Variants in EDIL3 observed in about 807,000 individuals in gnomAD.
EDIL3 encodes the protein EGF-like repeat and discoidin I-like domain-containing protein 3.
A neutral mutation model predicts 67.4 loss-of-function variants in EDIL3; 37 were observed. The ratio of observed to expected loss-of-function variants is 0.55; its 90% CI spans 0.42 to 0.72. The LOEUF is 0.72. Among genes scored for constraint, EDIL3 ranks in the 30% least tolerant of loss-of-function variants. EDIL3 has a pLI of 0.00. For missense variants in EDIL3, 527 were observed against 586.3 expected, an observed-to-expected ratio of 0.90 and a Z score of 1.04; for synonymous variants, 195 against 196.3, an observed-to-expected ratio of 0.99 and a Z score of 0.05.
chr5:84,037,849 A>G (rs1433998097), intron 9 of EDIL3, among the ~76,000 whole-genome samples: 2 of 152,100 alleles, frequency 1.3e-5, no homozygotes, highest in Admixed American at 6.6e-5. Flanking sequence ...CCATGAATTA[A>G]AAAAAATTAT....
chr5:84,215,608 A>G (rs893670467), intron 3 of EDIL3, among the ~76,000 whole-genome samples: 3 of 152,214 alleles, frequency 2.0e-5, no homozygotes, highest in African/African-American at 7.2e-5. Context: ...CAGGCAAAAG[A>G]CTGACAAAGT....
chr5:84,149,519 A>T (rs1246252274), intron 4 of EDIL3, among the ~76,000 whole-genome samples: 1 of 152,178 alleles, frequency 6.6e-6, no homozygotes, highest in East Asian at 1.9e-4. Context: ...AAGACCTAGA[A>T]GGATCAAACT....
intron 9 of EDIL3, among the ~76,000 whole-genome samples, chr5:84,032,180 T>C (rs1458381312): frequency 1.3e-5 from 2 of 152,226 alleles, no homozygotes; most frequent in Non-Finnish European, 2.9e-5. Context: ...CTCTTCCATA[T>C]TGAACATAAT....
intron 1 of EDIL3, among the ~76,000 whole-genome samples, chr5:84,286,820 T>C (rs1745814866): frequency 6.6e-6 from 1 of 152,212 alleles, no homozygotes; most frequent in Non-Finnish European, 1.5e-5. Context: ...GATCCTCAGC[T>C]GTTCAGCATT....
intron 5 of EDIL3, among the ~76,000 whole-genome samples, chr5:84,124,577 G>C (rs1195787065): frequency 2.0e-5 from 3 of 151,854 alleles, no homozygotes; most frequent in Non-Finnish European, 4.4e-5. Flanking sequence ...AGATAATTGT[G>C]CATTAGAAAA....
intron 3 of EDIL3, among the ~76,000 whole-genome samples, chr5:84,184,801 A>G (rs1465745420): frequency 6.6e-6 from 1 of 152,206 alleles, no homozygotes. Context: ...GGATTTCTAG[A>G]TGATGTGAAT....
chr5:84,140,721 T>A (rs1308863892), intron 4 of EDIL3, among the ~76,000 whole-genome samples: 1 of 152,142 alleles, frequency 6.6e-6, no homozygotes, highest in Non-Finnish European at 1.5e-5. Flanking sequence ...TTTTTAAAAC[T>A]CAAAAACTAC....
chr5:84,298,923 A>C (rs1746101244), intron 1 of EDIL3, among the ~76,000 whole-genome samples: 1 of 152,080 alleles, frequency 6.6e-6, no homozygotes, highest in African/African-American at 2.4e-5. Flanking sequence ...CTGCTTCTTC[A>C]TCCTCTACTA....
chr5:84,305,234 T>C (rs1008708902), intron 1 of EDIL3, among the ~76,000 whole-genome samples: 1 of 152,246 alleles, frequency 6.6e-6, no homozygotes, highest in Non-Finnish European at 1.5e-5. Flanking sequence ...ATTAACACTT[T>C]TTTTAATTCC....
intron 1 of EDIL3, among the ~76,000 whole-genome samples, chr5:84,377,307 C>CAAAAAA (rs773972385): frequency 1.5e-5 from 1 of 68,092 alleles, no homozygotes; most frequent in Non-Finnish European, 3.1e-5. Context: ...GACTCCGTCT[C>CAAAAAA]AAAAAAAAAA....
chr5:84,205,389 A>G (rs1743949484), intron 3 of EDIL3, among the ~76,000 whole-genome samples: 1 of 152,188 alleles, frequency 6.6e-6, no homozygotes. Context: ...TAAGCCAGAA[A>G]AACAATGAAG....
intron 9 of EDIL3, among the ~76,000 whole-genome samples, chr5:83,999,724 T>C (rs1745292680): frequency 6.6e-6 from 1 of 152,122 alleles, no homozygotes; most frequent in Non-Finnish European, 1.5e-5. Context: ...GTAGAAAGTT[T>C]ATTCAAAGGG....
At chr5:84,130,922 C>T (rs1747953630) in intron 5 of EDIL3, among the ~76,000 whole-genome samples, 1 of 151,970 alleles carries the variant, frequency 6.6e-6, no homozygotes. Context: ...TATATTAATG[C>T]CACAGGAATT....
intron 10 of EDIL3, among the ~76,000 whole-genome samples, chr5:83,947,891 C>T (rs551124823): frequency 7.2e-4 from 109 of 151,920 alleles, no homozygotes; most frequent in Middle Eastern, 6.8e-3. Context: ...ATTCATAGTT[C>T]CTTAAAAAGT....
chr5:84,247,321 C>A (rs910389815), intron 2 of EDIL3, among the ~76,000 whole-genome samples: 1 of 152,086 alleles, frequency 6.6e-6, no homozygotes, highest in Non-Finnish European at 1.5e-5. Flanking sequence ...TCTAAAATAA[C>A]CCTACACCAC....
intron 1 of EDIL3, among the ~76,000 whole-genome samples, chr5:84,286,859 T>C (rs1745815647): frequency 6.6e-6 from 1 of 152,212 alleles, no homozygotes; most frequent in East Asian, 1.9e-4. Flanking sequence ...AGCCTGTATG[T>C]ACCTGCTCTC....
chr5:84,146,728 C>A (rs769609034), intron 4 of EDIL3, among the ~76,000 whole-genome samples: 1 of 152,106 alleles, frequency 6.6e-6, no homozygotes, highest in Non-Finnish European at 1.5e-5. Context: ...GTCTTTTATA[C>A]ATATCTTTTA....
chr5:84,076,144 C>G (rs987516408), intron 6 of EDIL3, among the ~76,000 whole-genome samples: 1 of 151,746 alleles, frequency 6.6e-6, no homozygotes, highest in East Asian at 1.9e-4. Flanking sequence ...TATATTTTAT[C>G]AAATCTCTTT....
At chr5:84,119,058 T>C (rs529765861) in intron 5 of EDIL3, among the ~76,000 whole-genome samples, 1 of 152,204 alleles carries the variant, frequency 6.6e-6, no homozygotes, top group South Asian at 2.1e-4. Flanking sequence ...ATACCTTTAG[T>C]AAATGGTAGC....
Sources: gnomAD v4.1 joint callset for allele counts (sites outside exome capture counted in the v4.1 genomes callset) on GRCh38, gnomAD v4.1.1 for gene constraint, MANE v1.5 for transcripts, NCBI Gene and HGNC (gene_info 2026-07-23, HGNC 2026-07-21) for gene names.